The following LOC400499 variants were observed in gnomAD, a reference collection of about 807,000 sequenced individuals.
chr16:11,414,099 G>A, the LOC400499 span, among the ~76,000 whole-genome samples: 23,997 of 152,214 alleles, frequency 0.16, 2,570 homozygotes, highest in African/African-American at 0.31. Context: ...AGGACGCAGG[G>A]CAGGAGCCAG....
chr16:11,491,665 G>GCC, the LOC400499 span: 4 of 344,452 alleles, frequency 1.2e-5, no homozygotes, highest in Non-Finnish European at 2.1e-5. Flanking sequence ...CCCCACCCCT[G>GCC]CCCACACCCC....
chr16:11,429,442 A>C, the LOC400499 span, among the ~76,000 whole-genome samples: 6 of 152,132 alleles, frequency 3.9e-5, no homozygotes, highest in Non-Finnish European at 8.8e-5. Flanking sequence ...GGAAGGGCAA[A>C]GGGAGTTAGC....
chr16:11,474,803 G>C, the LOC400499 span, among the ~76,000 whole-genome samples: 1 of 152,110 alleles, frequency 6.6e-6, no homozygotes, highest in Non-Finnish European at 1.5e-5. Flanking sequence ...TGGGGAGATG[G>C]AGGCTGCAGT....
chr16:11,411,822 G>C, the LOC400499 span, among the ~76,000 whole-genome samples: 10 of 151,096 alleles, frequency 6.6e-5, no homozygotes, highest in African/African-American at 2.4e-4. Flanking sequence ...CTCCAGGCCA[G>C]GGTGGTTACA....
At chr16:11,497,243 T>C in the LOC400499 span, among the ~76,000 whole-genome samples, 4 of 152,112 alleles carry the variant, frequency 2.6e-5, no homozygotes, top group Non-Finnish European at 2.9e-5. Context: ...TCAGGATGCA[T>C]GCGTGTGGGT....
the LOC400499 span, chr16:11,470,585 T>C: frequency 6.6e-6 from 1 of 152,236 alleles, no homozygotes; most frequent in African/African-American, 2.4e-5. Flanking sequence ...GGAAATCCCA[T>C]GTCACCGTAC....
the LOC400499 span, among the ~76,000 whole-genome samples, chr16:11,385,848 A>G: frequency 6.6e-6 from 1 of 152,210 alleles, no homozygotes; most frequent in Non-Finnish European, 1.5e-5. Context: ...AACTCTGAAT[A>G]AATTAGAAGC....
chr16:11,520,598 C>T, the LOC400499 span, among the ~76,000 whole-genome samples: 10 of 135,318 alleles, frequency 7.4e-5, no homozygotes, highest in South Asian at 4.8e-4. Context: ...ACTGGGGAGG[C>T]GGAGATTGCA....
chr16:11,466,080 A>G, the LOC400499 span, among the ~76,000 whole-genome samples: 1 of 152,214 alleles, frequency 6.6e-6, no homozygotes, highest in Non-Finnish European at 1.5e-5. Flanking sequence ...AATAAATTCC[A>G]TTCCACGGAC....
chr16:11,483,520 T>TA, the LOC400499 span, among the ~76,000 whole-genome samples: 10 of 152,226 alleles, frequency 6.6e-5, no homozygotes, highest in Middle Eastern at 6.8e-3. Context: ...AGTCTCAGAA[T>TA]AATTATGCTG....
the LOC400499 span, among the ~76,000 whole-genome samples, chr16:11,439,122 T>C: frequency 6.6e-6 from 1 of 152,128 alleles, no homozygotes; most frequent in African/African-American, 2.4e-5. Context: ...CCTGGATGTC[T>C]TTCTCCACCT....
At chr16:11,469,617 C>T in the LOC400499 span, 2 of 398,950 alleles carry the variant, frequency 5.0e-6, no homozygotes, top group Non-Finnish European at 4.4e-6. Context: ...CTGACCCGGG[C>T]GTGCCCATGA....
chr16:11,434,880 A>G, the LOC400499 span, among the ~76,000 whole-genome samples: 1 of 152,170 alleles, frequency 6.6e-6, no homozygotes, highest in Admixed American at 6.5e-5. Flanking sequence ...TAGTGGACAC[A>G]TGAGTAGGTA....
chr16:11,525,199 G>T, the LOC400499 span, among the ~76,000 whole-genome samples: 1 of 151,538 alleles, frequency 6.6e-6, no homozygotes, highest in African/African-American at 2.4e-5. Context: ...AGAATTGCTT[G>T]AGCCGACAGG....
chr16:11,425,302 G>A, the LOC400499 span: 109 of 399,202 alleles, frequency 2.7e-4, no homozygotes, highest in East Asian at 3.6e-3. Flanking sequence ...AGCTCTCCAG[G>A]CAAGGCCTGG....
the LOC400499 span, among the ~76,000 whole-genome samples, chr16:11,463,827 G>A: frequency 1.3e-3 from 203 of 151,860 alleles, 1 homozygote; most frequent in Admixed American, 2.9e-3. Context: ...GTGTATGGAC[G>A]TGTGTTTATG....
At chr16:11,426,969 T>C in the LOC400499 span, among the ~76,000 whole-genome samples, 1 of 148,092 alleles carries the variant, frequency 6.8e-6, no homozygotes, top group Non-Finnish European at 1.5e-5. Flanking sequence ...AAAGAGTATC[T>C]ACAAATCAAT....
chr16:11,491,299 G>A, the LOC400499 span, among the ~76,000 whole-genome samples: 1 of 152,098 alleles, frequency 6.6e-6, no homozygotes, highest in Non-Finnish European at 1.5e-5. Flanking sequence ...TGTATAAAGG[G>A]AATTGTCTCA....
the LOC400499 span, among the ~76,000 whole-genome samples, chr16:11,416,541 G>A: frequency 6.6e-6 from 1 of 152,168 alleles, no homozygotes; most frequent in Non-Finnish European, 1.5e-5. Flanking sequence ...CGGCGAAGCA[G>A]ACAAAAGTCA....
Sources: allele counts gnomAD v4.1 joint callset (sites outside exome capture counted in the v4.1 genomes callset), GRCh38; gene constraint gnomAD v4.1.1; transcripts MANE v1.5.